The following LIPA variants were observed in gnomAD, a reference collection of about 807,000 sequenced individuals.
The protein encoded by LIPA is lysosomal acid lipase/cholesteryl ester hydrolase.
In LIPA, 26 loss-of-function variants were observed where a neutral mutation model predicts 40.6. The observed-to-expected ratio is 0.64, with a 90% confidence interval of 0.47 to 0.89. The LOEUF (loss-of-function observed/expected upper bound fraction) is 0.89. Among genes scored for constraint, LIPA ranks in the 40% least tolerant of loss-of-function variants. LIPA has a pLI of 0.00. For synonymous variants in LIPA, 188 were observed against 168.4 expected (o/e 1.12, Z -0.90); for missense variants, 455 against 479.6 (o/e 0.95, Z 0.48).
At chr10:89,377,995 T>C in intron 2 of LIPA, 1 of 717,820 alleles carries the variant, frequency 1.4e-6, no homozygotes, top group Non-Finnish European at 2.4e-6. Flanking sequence ...GCATCAAGGG[T>C]GTAAAAAACT....
intron 2 of LIPA, among the ~76,000 whole-genome samples, chr10:89,348,171 T>C (rs892411439): frequency 2.0e-5 from 3 of 152,114 alleles, no homozygotes; most frequent in Non-Finnish European, 2.9e-5. Flanking sequence ...TTCAAAGCAT[T>C]AAGTAGGAGT....
At chr10:89,327,376 C>T (rs1206194517) in intron 1 of LIPA, among the ~76,000 whole-genome samples, 5 of 152,086 alleles carry the variant, frequency 3.3e-5, no homozygotes, top group Admixed American at 3.3e-4. Flanking sequence ...CATGGCGAAA[C>T]CTCGTCTCTA....
intron 2 of LIPA, among the ~76,000 whole-genome samples, chr10:89,394,870 C>A (rs1428665120): frequency 6.6e-6 from 1 of 151,940 alleles, no homozygotes; most frequent in Non-Finnish European, 1.5e-5. Flanking sequence ...GCCCCAGCAA[C>A]TGTTAATCTG....
At chr10:89,299,479 A>G (rs541062730) in intron 1 of LIPA, among the ~76,000 whole-genome samples, 40 of 152,334 alleles carry the variant, frequency 2.6e-4, no homozygotes, top group African/African-American at 9.1e-4. Context: ...TAAGAGATTT[A>G]GACATCCAGA....
intron 1 of LIPA, among the ~76,000 whole-genome samples, chr10:89,295,025 G>A (rs74506466): frequency 1.9e-5 from 2 of 105,012 alleles, no homozygotes; most frequent in South Asian, 2.8e-4. Context: ...TGAAATGAAA[G>A]GAAAGGAAAG....
intron 1 of LIPA, chr10:89,277,816 C>T (rs1489521717): frequency 6.6e-6 from 1 of 152,136 alleles, no homozygotes; most frequent in Non-Finnish European, 1.5e-5. Context: ...TTTGAACTTA[C>T]CTGGTAACTT....
chr10:89,250,278 T>G, intron 1 of LIPA, among the ~76,000 whole-genome samples: 1 of 151,990 alleles, frequency 6.6e-6, no homozygotes, highest in Non-Finnish European at 1.5e-5. Context: ...TTTGTTTTTG[T>G]ATTTTTAGTA....
In LIPA at chr10:89,339,201, T is replaced by G. The variant is rs1276459301; in HGVS notation, c.-2+3410A>C. ...CTGGACTGGCAATTGCGATGTACCA[T>G]CTGGATAATCACCCAGAGAAACAGT... On this transcript the variant is annotated intron_variant, in intron 1 of 5. Transcript: ENST00000282673. 1.7e-5 allele frequency: 28 copies of G among 1,614,090 alleles called. No homozygotes were observed. Among genetic ancestry groups the G allele is most frequent in the Non-Finnish European group, 2.3e-5 (27 of 1,180,034 alleles).
intron 1 of LIPA, among the ~76,000 whole-genome samples, chr10:89,267,434 A>C (rs921092360): frequency 5.9e-5 from 9 of 152,162 alleles, no homozygotes; most frequent in African/African-American, 2.2e-4. Context: ...CAGGGAGAGA[A>C]CCAAAGAAAT....
intron 1 of LIPA, among the ~76,000 whole-genome samples, chr10:89,263,869 G>C (rs60446311): frequency 2.6e-5 from 4 of 152,260 alleles, no homozygotes; most frequent in African/African-American, 9.6e-5. Flanking sequence ...GAGTCAGCAA[G>C]CCAGCTGCTC....
At chr10:89,267,332 T>C (rs1389997874) in intron 1 of LIPA, among the ~76,000 whole-genome samples, 1 of 152,134 alleles carries the variant, frequency 6.6e-6, no homozygotes, top group Admixed American at 6.5e-5. Flanking sequence ...AGATTGTTAC[T>C]GGAAAATGGA....
At chr10:89,410,446 T>C (rs1295391822) in intron 2 of LIPA, among the ~76,000 whole-genome samples, 5 of 152,214 alleles carry the variant, frequency 3.3e-5, no homozygotes, top group Admixed American at 3.3e-4. Flanking sequence ...GAAGTCCCCT[T>C]AGCTAATCCT....
At chr10:89,326,131 T>C (rs552792438) in intron 1 of LIPA, among the ~76,000 whole-genome samples, 2 of 152,324 alleles carry the variant, frequency 1.3e-5, no homozygotes, top group Non-Finnish European at 2.9e-5. Context: ...AAGAGATATC[T>C]GCACTCCCAT....
intron 2 of LIPA, chr10:89,402,774 G>A: frequency 6.2e-7 from 1 of 1,614,220 alleles, no homozygotes. Context: ...CTTTGAAAAG[G>A]TGCTTGAAGT....
intron 2 of LIPA, chr10:89,392,479 C>G (rs1037440006): frequency 5.0e-5 from 13 of 259,942 alleles, no homozygotes; most frequent in East Asian, 2.2e-4. Context: ...CCACCCCCCC[C>G]CGTCAGCAGG....
Position 89,326,026 on chromosome 10 carries a change from C to T in LIPA, c.-2+16585G>A, listed in dbSNP as rs140137530. ...ATTATAACTACTATGGATAACAGTT[C>T]GGAGGTTCCTCAAAAGACTAAAAAT... On this transcript the variant is annotated intron_variant, in intron 1 of 5. Coordinates refer to the LIPA transcript ENST00000282673. Among the ~76,000 whole-genome samples the T allele has an allele frequency of 1.9e-3, 290 of 152,158 alleles. 3 individuals carry two copies. The highest frequency in any genetic ancestry group is 6.4e-3 in the African/African-American group (266 of 41,524).
upstream of LIPA, among the ~76,000 whole-genome samples, chr10:89,345,656 A>G (rs1051879498): frequency 6.6e-6 from 1 of 152,146 alleles, no homozygotes; most frequent in Non-Finnish European, 1.5e-5. Context: ...AATAATAGAA[A>G]TTAGAAACTC....
intron 1 of LIPA, among the ~76,000 whole-genome samples, chr10:89,271,101 C>A (rs1428109999): frequency 6.6e-6 from 1 of 152,210 alleles, no homozygotes; most frequent in African/African-American, 2.4e-5. Flanking sequence ...ATTCCTGTGA[C>A]CCCTACTCAT....
At chr10:89,362,726 G>C in intron 2 of LIPA, 1 of 732,076 alleles carries the variant, frequency 1.4e-6, no homozygotes, top group East Asian at 3.1e-5. Flanking sequence ...AGTGTCCTGA[G>C]ATGAACTGTG....
Sources: gnomAD v4.1 joint callset for allele counts (sites outside exome capture counted in the v4.1 genomes callset) on GRCh38, gnomAD v4.1.1 for gene constraint, MANE v1.5 for transcripts, NCBI Gene and HGNC (gene_info 2026-07-23, HGNC 2026-07-21) for gene names.